The following SLC25A13 variants were observed in gnomAD, a reference collection of about 807,000 sequenced individuals.
SLC25A13 encodes the protein solute carrier family 25 member 13, also known as electrogenic aspartate/glutamate antiporter SLC25A13, mitochondrial.
Under a neutral mutation model 85.5 loss-of-function variants are expected in SLC25A13, and 70 were observed. The observed-to-expected ratio is 0.82, with a 90% CI of 0.68 to 1.00. SLC25A13 has a LOEUF of 1.00. SLC25A13 is among the 50% of genes least tolerant of loss of function. The pLI is 0.00. For missense variants in SLC25A13, 765 were observed against 819.8 expected (o/e 0.93, Z 0.82); for synonymous variants, 259 against 288.7 (o/e 0.90, Z 1.04).
intron 4 of SLC25A13, among the ~76,000 whole-genome samples, chr7:96,216,801 GC>G (rs1281693809): frequency 6.6e-6 from 1 of 151,938 alleles, no homozygotes; most frequent in African/African-American, 2.4e-5. Flanking sequence ...TGGGTACTAG[GC>G]TTAATATCTG....
intron 14 of SLC25A13, among the ~76,000 whole-genome samples, chr7:96,141,814 G>GA (rs1792577483): frequency 6.6e-6 from 1 of 152,100 alleles, no homozygotes; most frequent in South Asian, 2.1e-4. Context: ...GGGATAAACT[G>GA]AAAAAAACTG....
At chr7:96,194,558 G>A (rs1794990565) in intron 5 of SLC25A13, among the ~76,000 whole-genome samples, 1 of 148,070 alleles carries the variant, frequency 6.8e-6, no homozygotes, top group South Asian at 2.2e-4. Context: ...TTTAATTTTA[G>A]TGAGATAATG....
rs781747984 is a variant in SLC25A13, at chr7:96,277,303, C to A, written c.105G>T (p.Met35Ile). ...ATCGAGTGACAAAGTCATTGGGGGA[C>A]ATGAAAAATTCACCGTTTTTCTCAA... ...ASIEKNGEFF[M>I]SPNDFVTRYL... Residue 35 changes from methionine to isoleucine, a missense_variant, in exon 3 of 18, where the codon ATG becomes ATT. Met to Ile is a conservative substitution (Grantham distance 10). Coordinates refer to ENST00000265631, the MANE Select transcript of SLC25A13 (RefSeq NM_014251.3). 6.2e-7 allele frequency: 1 copy of A among 1,612,806 alleles called. No homozygotes were observed. The highest frequency in any genetic ancestry group is 1.1e-5 in the South Asian group (1 of 90,956).
At chr7:96,239,858 C>T (rs1438232778) in intron 3 of SLC25A13, among the ~76,000 whole-genome samples, 1 of 152,160 alleles carries the variant, frequency 6.6e-6, no homozygotes, top group East Asian at 1.9e-4. Context: ...ACAGTAGCGA[C>T]TTTGTAACTC....
intron 15 of SLC25A13, among the ~76,000 whole-genome samples, chr7:96,128,939 G>GCT (rs58984088): frequency 0.046 from 3,789 of 81,780 alleles, 190 homozygotes; most frequent in Admixed American, 0.099. Flanking sequence ...TGCCTTGCTT[G>GCT]CTCTCTCTCT....
chr7:96,318,174 T>A (rs1800200140), intron 1 of SLC25A13, among the ~76,000 whole-genome samples: 1 of 152,192 alleles, frequency 6.6e-6, no homozygotes, highest in Non-Finnish European at 1.5e-5. Context: ...AGGCTAATAT[T>A]GGTCTGTGTT....
chr7:96,249,689 C>G (rs1481782644), intron 3 of SLC25A13, among the ~76,000 whole-genome samples: 1 of 152,018 alleles, frequency 6.6e-6, no homozygotes, highest in Non-Finnish European at 1.5e-5. Context: ...CAACACAGAA[C>G]AGTAATTGTA....
At chr7:96,208,175 C>G (rs1416887749) in intron 5 of SLC25A13, among the ~76,000 whole-genome samples, 1 of 152,132 alleles carries the variant, frequency 6.6e-6, no homozygotes, top group African/African-American at 2.4e-5. Flanking sequence ...AGTAGTAACA[C>G]AGCGAGTCAC....
chr7:96,288,353 G>C (rs1798972745), intron 2 of SLC25A13, among the ~76,000 whole-genome samples: 1 of 152,208 alleles, frequency 6.6e-6, no homozygotes, highest in South Asian at 2.1e-4. Context: ...CGATGCAGAA[G>C]ACAGGTGATT....
At chr7:96,294,019 T>G (rs1200810951) in intron 2 of SLC25A13, among the ~76,000 whole-genome samples, 3 of 152,090 alleles carry the variant, frequency 2.0e-5, no homozygotes, top group African/African-American at 7.2e-5. Flanking sequence ...AGCAAAGACT[T>G]GGAACCAACC....
chr7:96,269,440 A>C (rs989868649), intron 3 of SLC25A13, among the ~76,000 whole-genome samples: 4 of 152,234 alleles, frequency 2.6e-5, no homozygotes, highest in Non-Finnish European at 5.9e-5. Flanking sequence ...AGTTGACAAC[A>C]GGGGTCACTG....
chr7:96,201,473 T>C (rs1376819199), intron 5 of SLC25A13, among the ~76,000 whole-genome samples: 1 of 149,760 alleles, frequency 6.7e-6, no homozygotes, highest in Non-Finnish European at 1.5e-5. Context: ...GAGCACGCCA[T>C]TGCACTCCAG....
chr7:96,171,403 A>G, intron 12 of SLC25A13, 69 bp downstream of exon 12: 1 of 1,420,136 alleles, frequency 7.0e-7, no homozygotes, highest in South Asian at 1.2e-5. Flanking sequence ...GTTTCCTATA[A>G]GAATACCTGC....
intron 1 of SLC25A13, among the ~76,000 whole-genome samples, chr7:96,320,652 T>C (rs1204198689): frequency 6.6e-6 from 1 of 152,188 alleles, no homozygotes; most frequent in Non-Finnish European, 1.5e-5. Flanking sequence ...TGTGTTCATA[T>C]GCAAACATAC....
At chr7:96,161,774 G>A (rs958091607) in intron 13 of SLC25A13, among the ~76,000 whole-genome samples, 1 of 152,154 alleles carries the variant, frequency 6.6e-6, no homozygotes, top group Non-Finnish European at 1.5e-5. Context: ...TAAAGTGCAA[G>A]TACAAATCAA....
intron 2 of SLC25A13, 145 bp from the exon 3 acceptor site, chr7:96,277,483 C>T: frequency 1.3e-6 from 1 of 758,006 alleles, no homozygotes; most frequent in Non-Finnish European, 2.1e-6. Flanking sequence ...ACCATTATCT[C>T]CCAACAGTTC....
chr7:96,261,299 C>T (rs1462764915), intron 3 of SLC25A13, among the ~76,000 whole-genome samples: 1 of 152,154 alleles, frequency 6.6e-6, no homozygotes, highest in Non-Finnish European at 1.5e-5. Context: ...TATAAAAGCA[C>T]ACTGTTTAGA....
chr7:96,318,943 A>C (rs1435457608), intron 1 of SLC25A13, among the ~76,000 whole-genome samples: 2 of 152,070 alleles, frequency 1.3e-5, no homozygotes, highest in African/African-American at 2.4e-5. Flanking sequence ...TGCCAACCCT[A>C]CCCCTATGGC....
chr7:96,204,174 T>A (rs896038089), intron 5 of SLC25A13, among the ~76,000 whole-genome samples: 3 of 152,246 alleles, frequency 2.0e-5, no homozygotes, highest in Non-Finnish European at 4.4e-5. Context: ...GTGATAATGA[T>A]AATCACCTTT....
Sources: gnomAD v4.1 joint callset for allele counts (sites outside exome capture counted in the v4.1 genomes callset) on GRCh38, gnomAD v4.1.1 for gene constraint, MANE v1.5 for transcripts, NCBI Gene and HGNC (gene_info 2026-07-23, HGNC 2026-07-21) for gene names.